Variants in AP3B1 observed in about 807,000 individuals in gnomAD.
The protein encoded by AP3B1 is AP-3 complex subunit beta-1.
Under a neutral mutation model 132.5 loss-of-function variants are expected in AP3B1, and 61 were observed. The ratio of observed to expected loss-of-function variants is 0.46; its 90% CI spans 0.37 to 0.57. AP3B1 has a LOEUF of 0.57. Ranked by LOEUF, AP3B1 falls within the 20% of genes least tolerant of loss-of-function variation. AP3B1 has a pLI of 0.00. For synonymous variants in AP3B1, 388 were observed against 438.3 expected (o/e 0.89, Z 1.43); for missense variants, 1,120 against 1,289.4 (o/e 0.87, Z 2.01).
chr5:78,267,373 C>T, intron 2 of AP3B1, 147 bp downstream of exon 2: 1 of 360,848 alleles, frequency 2.8e-6, no homozygotes, highest in South Asian at 8.4e-5. Flanking sequence ...TTTTCTTTAA[C>T]ATTTTTGGAC....
chr5:78,055,461 T>G (rs1351048935), intron 22 of AP3B1, among the ~76,000 whole-genome samples: 1 of 152,226 alleles, frequency 6.6e-6, no homozygotes, highest in Non-Finnish European at 1.5e-5. Context: ...TTGATAGGAT[T>G]CTTTTGAGGA....
rs571590497 is a variant in AP3B1 at position 78,186,898 on chromosome 5, G to C, written c.787-5236C>G. Among the ~76,000 whole-genome samples, 31 of 152,132 alleles carry C rather than the reference G, an allele frequency of 2.0e-4. No homozygotes were observed. In the South Asian group the frequency reaches 5.6e-3, roughly 28 times the overall value. On this transcript the variant is annotated intron_variant, in intron 7 of 26. Coordinates refer to ENST00000255194, the MANE Select transcript of AP3B1 (RefSeq NM_003664.5). ...CCTTTCATCAAAAGTACAACTTTTA[G>C]GTCTCTCAGAATAGGAATAATATTA...
intron 6 of AP3B1, among the ~76,000 whole-genome samples, chr5:78,216,930 A>G (rs184413355): frequency 5.3e-4 from 80 of 152,242 alleles, no homozygotes; most frequent in African/African-American, 1.9e-3. Context: ...TTAGTTTCTG[A>G]ACTGTGATGC....
At chr5:78,268,556 G>A (rs1048840659) in intron 1 of AP3B1, among the ~76,000 whole-genome samples, 3 of 152,110 alleles carry the variant, frequency 2.0e-5, no homozygotes, top group African/African-American at 7.2e-5. Context: ...TATCTGGAGA[G>A]AGAAGTGAGC....
chr5:78,227,980 A>G (rs750037941), intron 4 of AP3B1, among the ~76,000 whole-genome samples, 164 bp downstream of exon 4: 1 of 152,214 alleles, frequency 6.6e-6, no homozygotes, highest in African/African-American at 2.4e-5. Flanking sequence ...AGTTGGTTGT[A>G]TAAATTATTT....
intron 25 of AP3B1, among the ~76,000 whole-genome samples, chr5:78,019,387 T>C (rs1329658626): frequency 6.6e-6 from 1 of 152,120 alleles, no homozygotes; most frequent in Non-Finnish European, 1.5e-5. Context: ...AGATATACTT[T>C]AGCTGCACTT....
At chr5:78,248,663 C>A (rs1362178066) in intron 2 of AP3B1, among the ~76,000 whole-genome samples, 2 of 152,014 alleles carry the variant, frequency 1.3e-5, no homozygotes, top group African/African-American at 4.8e-5. Context: ...ACGTATTTAC[C>A]ATTTTGATTG....
chr5:78,054,750 A>G (rs1293762176), intron 22 of AP3B1, among the ~76,000 whole-genome samples: 1 of 152,198 alleles, frequency 6.6e-6, no homozygotes, highest in Admixed American at 6.5e-5. Flanking sequence ...CCCTTGATGA[A>G]GGATGCGGAT....
At chr5:78,183,494 T>A (rs77103519) in intron 7 of AP3B1, among the ~76,000 whole-genome samples, 4,674 of 152,310 alleles carry the variant, frequency 0.031, 243 homozygotes, top group African/African-American at 0.1. Context: ...GATTATTTTT[T>A]AAAAATCATT....
intron 1 of AP3B1, among the ~76,000 whole-genome samples, chr5:78,275,104 T>C (rs1241463236): frequency 6.6e-6 from 1 of 152,156 alleles, no homozygotes; most frequent in Non-Finnish European, 1.5e-5. Flanking sequence ...TGTGTTCTAA[T>C]AAAACTTTAT....
chr5:78,203,986 T>C (rs1745403806), intron 7 of AP3B1, among the ~76,000 whole-genome samples: 1 of 152,310 alleles, frequency 6.6e-6, no homozygotes, highest in South Asian at 2.1e-4. Context: ...TGGAGAGTCA[T>C]TGTTTTCCTG....
At chr5:78,154,741 G>C (rs1235978284) in intron 14 of AP3B1, among the ~76,000 whole-genome samples, 1 of 152,096 alleles carries the variant, frequency 6.6e-6, no homozygotes, top group African/African-American at 2.4e-5. Context: ...AAGAGACTCT[G>C]ATGCAATCTT....
At chr5:78,025,067 T>A (rs1394147158) in intron 24 of AP3B1, among the ~76,000 whole-genome samples, 1 of 152,134 alleles carries the variant, frequency 6.6e-6, no homozygotes, top group African/African-American at 2.4e-5. Flanking sequence ...TACATATATA[T>A]ACACACACAT....
At chr5:78,016,830 A>T (rs570965641) in intron 25 of AP3B1, among the ~76,000 whole-genome samples, 74 of 152,222 alleles carry the variant, frequency 4.9e-4, no homozygotes, top group Admixed American at 1.1e-3. Context: ...CAAAAGCTTT[A>T]AAAACTATAC....
At chr5:78,279,909 T>A (rs1748976808) in intron 1 of AP3B1, among the ~76,000 whole-genome samples, 2 of 141,384 alleles carry the variant, frequency 1.4e-5, no homozygotes, top group Non-Finnish European at 3.1e-5. Flanking sequence ...ATGACTTAAA[T>A]ATATATATAT....
chr5:78,210,007 A>G (rs1038187036), intron 7 of AP3B1, among the ~76,000 whole-genome samples: 3 of 152,232 alleles, frequency 2.0e-5, no homozygotes, highest in African/African-American at 4.8e-5. Flanking sequence ...CATTATTTCA[A>G]TATTAGATCA....
chr5:78,157,969 T>C (rs1359415238), intron 13 of AP3B1, among the ~76,000 whole-genome samples: 2 of 152,154 alleles, frequency 1.3e-5, no homozygotes, highest in Non-Finnish European at 2.9e-5. Flanking sequence ...CAGGCTGGTC[T>C]CAAACTCCTA....
At chr5:78,263,354 C>G (rs1038162946) in intron 2 of AP3B1, among the ~76,000 whole-genome samples, 11 of 152,126 alleles carry the variant, frequency 7.2e-5, no homozygotes, top group Non-Finnish European at 1.5e-4. Context: ...TGTTGCTTTT[C>G]TATCCTGCAA....
chr5:78,261,323 A>G (rs1027378760), intron 2 of AP3B1, among the ~76,000 whole-genome samples: 6 of 152,152 alleles, frequency 3.9e-5, no homozygotes, highest in Admixed American at 1.3e-4. Context: ...TGATCTTACT[A>G]TGGTTTTGAT....
Sources: allele counts gnomAD v4.1 joint callset (sites outside exome capture counted in the v4.1 genomes callset), GRCh38; gene constraint gnomAD v4.1.1; transcripts MANE v1.5; gene names NCBI Gene and HGNC (gene_info 2026-07-23, HGNC 2026-07-21).